Variants in GCDH observed in about 807,000 individuals in gnomAD.
GCDH encodes the protein glutaryl-CoA dehydrogenase, mitochondrial.
In GCDH, 31 loss-of-function variants were observed where a neutral mutation model predicts 52.8. The ratio of observed to expected loss-of-function variants is 0.59; its 90% CI spans 0.44 to 0.79. The LOEUF is 0.79. GCDH is among the 30% of genes least tolerant of loss of function. The pLI, the probability that GCDH is intolerant of heterozygous loss-of-function variation, is 0.00. For missense variants in GCDH, 509 were observed against 595.0 expected, an observed-to-expected ratio of 0.86 and a Z score of 1.50; for synonymous variants, 242 against 250.0, an observed-to-expected ratio of 0.97 and a Z score of 0.30.
In GCDH at chr19:12,899,881, GCCCT is replaced by G. The variant is rs1970796247; in HGVS notation, c.*352_*355del. 30 of 1,588,782 alleles carry G rather than the reference GCCCT, an allele frequency of 1.9e-5. No individual in the cohort carries two copies. The highest frequency in any genetic ancestry group is 2.2e-5 in the East Asian group (1 of 44,484). ...CCCCCTCACACTGAGTTCACAGTGC[GCCCT>G]CCCTCCCTCCCATCTGGGGGTAGTG... On this transcript the variant is annotated 3_prime_UTR_variant, in exon 12 of 12. Transcript: ENST00000222214.
chr19:12,891,496 G>A lies in GCDH; in HGVS notation c.101G>A (p.Gly34Glu). ...CGTTCTGTGCTTGCAGAGAAAGGCG[G>A]GAGAACACAGAGCCAACTGGCTAAG... Reference protein sequence around the residue: ...VSSAAQTEKGGRTQSQLAKSS... With the variant: ...VSSAAQTEKGERTQSQLAKSS... The change falls in exon 3 of 12, where the codon GGG becomes GAG. Residue 34 changes from glycine (G) to glutamate (E), a missense_variant. Transcript: ENST00000222214. 2 of 1,614,220 alleles carry A rather than the reference G, an allele frequency of 1.2e-6. No individual in the cohort carries two copies. The highest frequency in any genetic ancestry group is 3.3e-5 in the Admixed American group (2 of 60,032).
rs1295141904 is a variant in GCDH at position 12,891,353 on chromosome 19, C to T, written c.49C>T (p.Leu17=). The change falls in exon 2 of 12, where the codon CTG becomes TTG. Residue 17 remains leucine (L), a synonymous_variant. Transcript: ENST00000222214. The stretch of plus-strand genomic sequence containing the variant: ...GCGGCTGCTGAGCCGCGGACCCGGC[C>T]TGCACGTCCTTCGCACGTGGGTCTC... The part of the protein sequence containing the change: ...SVRLLSRGPG[L]HVLRTWVSSA... 72 of 1,613,516 alleles carry T rather than the reference C, an allele frequency of 4.5e-5. No homozygotes were observed. The highest frequency in any genetic ancestry group is 6.0e-5 in the Non-Finnish European group (71 of 1,180,018).
rs1423822964 is a variant in GCDH, at chr19:12,893,597, A to G, written c.449A>G (p.His150Arg). The change falls in exon 6 of 12, where the codon CAC becomes CGC. Residue 150 changes from histidine (H) to arginine (R), a missense_variant. Physicochemically the swap from His to Arg is conservative, Grantham distance 29 (BLOSUM62 0). Transcript: ENST00000222214. ...AGTGTCCAGTCCTCCCTCGTCATGC[A>G]CCCTATCTATGCCTATGGCAGCGAG... is the stretch of plus-strand genomic sequence containing the variant. ...AMSVQSSLVM[H>R]PIYAYGSEEQ... The G allele has an allele frequency of 1.2e-6, 2 of 1,613,796 alleles. No individual in the cohort carries two copies. Among genetic ancestry groups the G allele is most frequent in the Non-Finnish European group, 1.7e-6 (2 of 1,179,970 alleles).
intron 2 of GCDH, 45 bp from the exon 3 acceptor site, chr19:12,891,442 G>T: frequency 6.2e-7 from 1 of 1,614,228 alleles, no homozygotes; most frequent in Non-Finnish European, 8.5e-7. Context: ...AGGAACTGGG[G>T]GTTTAGGGAC....
chr19:12,893,999 G>C (rs546373163), intron 6 of GCDH: 10 of 583,202 alleles, frequency 1.7e-5, no homozygotes, highest in Admixed American at 6.0e-5. Context: ...CCAAGAGTTC[G>C]AAACCAGCCT....
At position 12,892,130 on chromosome 19, in the gene GCDH, A is replaced by G. The variant is rs773858070; in HGVS notation, c.286A>G (p.Ile96Val). Residue 96 changes from isoleucine (I) to valine (V), a missense_variant, in exon 5 of 12, where the codon ATC becomes GTC. Coordinates refer to ENST00000222214, the MANE Select transcript of GCDH (RefSeq NM_000159.4). ...TCCCTTTGCAGTTTTTCATCGGGAG[A>G]TCATTTCGGAGATGGGGGAGTTGGG... ...ANRNEVFHRE[I>V]ISEMGELGVL... 1.9e-6 allele frequency: 3 copies of G among 1,613,940 alleles called. No individual in the cohort carries two copies. The highest frequency in any genetic ancestry group is 1.3e-5 in the African/African-American group (1 of 74,954).
chr19:12,897,484 G>A, intron 10 of GCDH, 56 bp downstream of exon 10: 7 of 1,594,012 alleles, frequency 4.4e-6, no homozygotes, highest in Non-Finnish European at 6.0e-6. Flanking sequence ...AGGACCTTGT[G>A]TCCTTCCTGG....
intron 6 of GCDH, 84 bp downstream of exon 6, chr19:12,893,737 A>AT: frequency 8.0e-7 from 1 of 1,257,736 alleles, no homozygotes; most frequent in Middle Eastern, 2.2e-4. Flanking sequence ...CCCTGAGCCT[A>AT]TTCTGTCCCT....
chr19:12,897,067 A>G, intron 9 of GCDH, 54 bp downstream of exon 9: 1 of 1,427,990 alleles, frequency 7.0e-7, no homozygotes, highest in Non-Finnish European at 9.8e-7. Flanking sequence ...CTTGGGTTTC[A>G]CTCTCTATAC....
Position 12,892,313 on chromosome 19 carries a change from A to ACCC in GCDH, c.334+136_334+137insCCC, listed in dbSNP as rs748323950. 3.1e-3 allele frequency: 2,507 copies of ACCC among 816,080 alleles called. 32 individuals carry two copies. The highest frequency in any genetic ancestry group is 0.021 in the African/African-American group (1,184 of 56,460). The allele number at this position is 816,080 out of a possible 1,614,324, so 50.6% of individuals were successfully genotyped here. ...TTCTTTCCTTTCTTCTTCCCCCCCA[A>ACCC]CAGAGTCTGGCTCTGTTGCCCAGGC... On this transcript the variant is annotated intron_variant, in intron 5 of 11. Coordinates refer to ENST00000222214, the MANE Select transcript of GCDH (RefSeq NM_000159.4).
chr19:12,892,289 T>G (rs1186615986), intron 5 of GCDH, 111 bp downstream of exon 5: 1 of 986,066 alleles, frequency 1.0e-6, no homozygotes, highest in Admixed American at 2.0e-5. Context: ...CTTTTCCTTT[T>G]CTTTCCTTTC....
rs1368786637 is a variant in GCDH at position 12,896,738 on chromosome 19, G to A, written c.853-172G>A. On this transcript the variant is annotated intron_variant, in intron 8 of 11. Coordinates refer to ENST00000222214, the MANE Select transcript of GCDH (RefSeq NM_000159.4). The surrounding 1 kb of genome is among the most constrained non-coding windows in gnomAD (Gnocchi z 5.5). ...GGCTGGGTGGGACTGTGTGCAAACC[G>A]AGTGAGCAGGCACCGAGCTTCAGTG... 3.9e-5 allele frequency among the ~76,000 whole-genome samples: 6 copies of A among 152,172 alleles called. No individual in the cohort carries two copies. Among genetic ancestry groups the A allele is most frequent in the African/African-American group, 9.7e-5 (4 of 41,428 alleles).
chr19:12,896,459 C>T lies in GCDH; in HGVS notation c.852+38C>T, dbSNP rs557690188. 15 of 1,486,866 alleles carry T rather than the reference C, an allele frequency of 1.0e-5. No homozygotes were observed. The highest frequency in any genetic ancestry group is 2.1e-4 in the Middle Eastern group (1 of 4,760). 92.1% of individuals were successfully genotyped at this position (1,486,866 alleles called of 1,614,324 possible). A position where few individuals can be genotyped will look rare whatever the true frequency, so the allele number is the denominator to read the frequency against. On this transcript the variant is annotated intron_variant, in intron 8 of 11. Transcript: ENST00000222214. The surrounding 1 kb of genome is among the most constrained non-coding windows in gnomAD (Gnocchi z 5.5). ...CACTTTGGGAATGGGTGTTGGGTCA[C>T]CTGCGGATGCGGCTTTGTCAGGCAG...
In GCDH at chr19:12,895,408, T is replaced by C. The variant is rs185205498; in HGVS notation, c.506-584T>C. Among the ~76,000 whole-genome samples the C allele has an allele frequency of 2.1e-3, 321 of 151,984 alleles. 2 individuals are homozygous for C. Among genetic ancestry groups the C allele is most frequent in the African/African-American group, 7.1e-3 (294 of 41,462 alleles). On this transcript the variant is annotated intron_variant, in intron 6 of 11. Coordinates refer to ENST00000222214, the MANE Select transcript of GCDH (RefSeq NM_000159.4). ...CCAATTAGCTGGGATTGCAGGTGCT[T>C]GCTACCCGTGCCTGGCTAATTTTTG...
At position 12,897,027 on chromosome 19, in the gene GCDH, G is replaced by A. The variant is rs369965827; in HGVS notation, c.956+14G>A. 2.3e-5 allele frequency: 37 copies of A among 1,593,244 alleles called. No homozygotes were observed. Among genetic ancestry groups the A allele is most frequent in the Non-Finnish European group, 3.0e-5 (35 of 1,163,312 alleles). On this transcript the variant is annotated intron_variant, in intron 9 of 11. Coordinates refer to ENST00000222214, the MANE Select transcript of GCDH (RefSeq NM_000159.4). ...CGCCCTCGACAGGTGTGTGAGGGCT[G>A]CAGTGAGATTCTCTGGGGGTGTGGG...
intron 3 of GCDH, 66 bp downstream of exon 3, chr19:12,891,588 A>G: frequency 3.1e-6 from 5 of 1,613,342 alleles, no homozygotes; most frequent in Non-Finnish European, 4.2e-6. Flanking sequence ...CCGCAGGTGG[A>G]CTCTGTCCCA....
rs1445550700 is a variant in GCDH, at chr19:12,899,980, T to A, written c.*439T>A. 2 of 1,612,412 alleles carry A rather than the reference T, an allele frequency of 1.2e-6. No individual in the cohort carries two copies. The highest frequency in any genetic ancestry group is 1.7e-6 in the Non-Finnish European group (2 of 1,179,888). On this transcript the variant is annotated 3_prime_UTR_variant, in exon 12 of 12. Coordinates refer to ENST00000222214, the MANE Select transcript of GCDH (RefSeq NM_000159.4). ...GACCTGCACATCTGACCCCAAGGTG[T>A]CAGGCCGGTTTACTGGTAACCACCT... is the stretch of plus-strand genomic sequence containing the variant.
Position 12,896,118 on chromosome 19 carries a change from C to T in GCDH, c.632C>T (p.Thr211Ile). The change falls in exon 7 of 12, where the codon ACC (threonine) becomes ATC (isoleucine). Residue 211 changes from threonine (T) to isoleucine (I), a missense_variant. Thr to Ile is a moderately conservative substitution (Grantham distance 89). Coordinates refer to ENST00000222214, the MANE Select transcript of GCDH (RefSeq NM_000159.4). This position sits in a 1 kb window ranked among gnomAD's most constrained non-coding sequence, Gnocchi z 5.5. ...NKSYTLNGTK[T>I]WITNSPMADL... ...AGCTACACCCTCAATGGGACCAAGA[C>T]CTGGTAAGGGTTCTGGGTGGTGGGC... The T allele has an allele frequency of 1.2e-6, 2 of 1,614,088 alleles. No individual in the cohort carries two copies. The highest frequency in any genetic ancestry group is 1.7e-6 in the Non-Finnish European group (2 of 1,180,024).
intron 11 of GCDH, 110 bp from the exon 12 acceptor site, chr19:12,899,358 T>C (rs1176921721): frequency 1.2e-6 from 2 of 1,613,952 alleles, no homozygotes; most frequent in East Asian, 2.2e-5. Flanking sequence ...TCACCATCTC[T>C]GTTGGTCTGT....
Sources: gnomAD v4.1 joint callset for allele counts (sites outside exome capture counted in the v4.1 genomes callset) on GRCh38, gnomAD v4.1.1 for gene constraint, Gnocchi (gnomAD v3.1) non-coding constraint, MANE v1.5 for transcripts, NCBI Gene and HGNC (gene_info 2026-07-23, HGNC 2026-07-21) for gene names.